Variants in ERO1B observed in about 807,000 individuals in gnomAD.
ERO1B encodes endoplasmic reticulum oxidoreductase 1 beta.
ERO1B carries 49 observed loss-of-function variants against 75.3 expected under a neutral mutation model. That is an observed-to-expected ratio of 0.65 (90% CI 0.52 to 0.83). The LOEUF (loss-of-function observed/expected upper bound fraction) is 0.83, where lower values mean the gene tolerates loss of function less well. ERO1B is among the 40% of genes least tolerant of loss of function. The pLI is 0.00. For synonymous variants in ERO1B, 191 were observed against 192.9 expected (o/e 0.99, Z 0.08); for missense variants, 512 against 560.1 (o/e 0.91, Z 0.87).
chr1:236,247,957 C>T (rs1006087745), intron 5 of ERO1B, among the ~76,000 whole-genome samples: 1 of 152,114 alleles, frequency 6.6e-6, no homozygotes, highest in Admixed American at 6.6e-5. Context: ...TAAAACAGTG[C>T]CACTCTCTCA....
chr1:236,240,291 T>C (rs187658996), intron 6 of ERO1B, among the ~76,000 whole-genome samples: 4 of 152,264 alleles, frequency 2.6e-5, no homozygotes, highest in Non-Finnish European at 5.9e-5. Context: ...TTTTCTAGGA[T>C]GTTAAACTTT....
At position 236,217,103 on chromosome 1, in the gene ERO1B, T is replaced by A. The variant is rs1664008596; in HGVS notation, c.*1413A>T. ...TGAGCCAAGCCAACTAAATACAATT[T>A]TTTAGATGTCACCAAATCATCAATG... On this transcript the variant is annotated 3_prime_UTR_variant, in exon 16 of 16. Coordinates refer to ENST00000354619, the MANE Select transcript of ERO1B (RefSeq NM_019891.4). The A allele has an allele frequency of 6.6e-6, 1 of 152,010 alleles. No homozygotes were observed. Among genetic ancestry groups the A allele is most frequent in the South Asian group, 2.1e-4 (1 of 4,818 alleles). 9.4% of individuals were successfully genotyped at this position (152,010 alleles called of 1,614,324 possible).
intron 1 of ERO1B, among the ~76,000 whole-genome samples, chr1:236,274,595 ATATT>A (rs1371765144): frequency 4.6e-5 from 7 of 152,282 alleles, no homozygotes; most frequent in African/African-American, 1.7e-4. Flanking sequence ...GTTCTCTTTA[ATATT>A]TATTATCCCA....
intron 9 of ERO1B, among the ~76,000 whole-genome samples, 191 bp downstream of exon 9, chr1:236,232,636 CT>C (rs3835673): frequency 1.6e-4 from 24 of 145,582 alleles, no homozygotes; most frequent in African/African-American, 3.8e-4. Flanking sequence ...GAAAAATGGT[CT>C]TTTTTTTTTA....
chr1:236,224,523 A>G (rs1339338778), intron 13 of ERO1B, among the ~76,000 whole-genome samples: 4 of 152,146 alleles, frequency 2.6e-5, no homozygotes, highest in African/African-American at 7.2e-5. Context: ...TAAGGGTACA[A>G]TTTGTTTCTT....
At chr1:236,275,299 C>A (rs1404906736) in intron 1 of ERO1B, among the ~76,000 whole-genome samples, 2 of 152,236 alleles carry the variant, frequency 1.3e-5, no homozygotes, top group Non-Finnish European at 2.9e-5. Flanking sequence ...GTTCTTCTGA[C>A]TGGCTATCAA....
intron 6 of ERO1B, among the ~76,000 whole-genome samples, chr1:236,236,995 G>A (rs374723367): frequency 7.9e-4 from 119 of 151,130 alleles, no homozygotes; most frequent in African/African-American, 2.6e-3. Flanking sequence ...TGTTTTTTTT[G>A]CTCTCAAACT....
At chr1:236,269,682 C>T (rs1665545925) in intron 2 of ERO1B, among the ~76,000 whole-genome samples, 193 bp downstream of exon 2, 1 of 152,086 alleles carries the variant, frequency 6.6e-6, no homozygotes, top group Non-Finnish European at 1.5e-5. Flanking sequence ...TGAGGAACTC[C>T]CCATACAAAG....
At chr1:236,280,565 T>C (rs1209618638) in intron 1 of ERO1B, among the ~76,000 whole-genome samples, 1 of 152,186 alleles carries the variant, frequency 6.6e-6, no homozygotes, top group Non-Finnish European at 1.5e-5. Context: ...TGTTCCCCAA[T>C]ACCAAAAATT....
At position 236,258,493 on chromosome 1, in the gene ERO1B, A is replaced by C. The variant is rs531706444; in HGVS notation, c.223-4988T>G. Among the ~76,000 whole-genome samples the C allele has an allele frequency of 7.8e-4, 119 of 152,342 alleles. 2 individuals carry two copies. The South Asian group carries it at 0.01, about 13-fold the overall frequency. On this transcript the variant is annotated intron_variant, in intron 2 of 15. Coordinates refer to ENST00000354619, the MANE Select transcript of ERO1B (RefSeq NM_019891.4). ...AGGGGAAATAAAAACTTTCTCAGAC[A>C]AAACGTAAGGAAATTTATCACCACT...
chr1:236,223,435 ACT>A (rs928594406), intron 13 of ERO1B, among the ~76,000 whole-genome samples: 1 of 152,066 alleles, frequency 6.6e-6, no homozygotes, highest in Non-Finnish European at 1.5e-5. Context: ...TAGCCTGAAA[ACT>A]CTGGCTACCA....
intron 2 of ERO1B, among the ~76,000 whole-genome samples, chr1:236,268,556 G>A (rs769372741): frequency 7.9e-5 from 12 of 152,032 alleles, no homozygotes; most frequent in Admixed American, 2.6e-4. Context: ...ATTTGAGATC[G>A]GCCTGGGCAA....
chr1:236,277,323 G>C (rs1241919665), intron 1 of ERO1B, among the ~76,000 whole-genome samples: 3 of 151,834 alleles, frequency 2.0e-5, no homozygotes, highest in African/African-American at 7.3e-5. Context: ...AGAATTGCTT[G>C]AGCCTGGGAG....
intron 1 of ERO1B, among the ~76,000 whole-genome samples, chr1:236,273,152 A>C (rs1417402604): frequency 1.3e-5 from 2 of 152,146 alleles, no homozygotes; most frequent in African/African-American, 4.8e-5. Flanking sequence ...TTTATGAGAG[A>C]GGAAGGCGGG....
chr1:236,274,078 G>T (rs1345021641), intron 1 of ERO1B, among the ~76,000 whole-genome samples: 1 of 151,094 alleles, frequency 6.6e-6, no homozygotes, highest in Non-Finnish European at 1.5e-5. Context: ...CCGCTTCCTG[G>T]GTTCAAGTGA....
chr1:236,243,780 CAT>C (rs1484116470), intron 5 of ERO1B, among the ~76,000 whole-genome samples: 11 of 152,032 alleles, frequency 7.2e-5, no homozygotes, highest in African/African-American at 9.7e-5. Context: ...ATACATATAA[CAT>C]GTAGTTAAAC....
intron 2 of ERO1B, among the ~76,000 whole-genome samples, chr1:236,257,560 C>CAAAAAAAAAA (rs57151086): frequency 5.6e-5 from 7 of 125,520 alleles, no homozygotes; most frequent in East Asian, 3.4e-4. Flanking sequence ...AAATATGCTC[C>CAAAAAAAAAA]AAAAAAAAAA....
At chr1:236,225,217 C>G in intron 12 of ERO1B, 78 bp from the exon 13 acceptor site, 1 of 1,358,140 alleles carries the variant, frequency 7.4e-7, no homozygotes, top group South Asian at 1.2e-5. Context: ...ATAAAATTTT[C>G]TATCCTTATG....
At chr1:236,259,883 C>A (rs938971879) in intron 2 of ERO1B, among the ~76,000 whole-genome samples, 4 of 151,792 alleles carry the variant, frequency 2.6e-5, no homozygotes, top group Non-Finnish European at 5.9e-5. Flanking sequence ...ACCAAATGGC[C>A]CTACCAGATA....
Sources: gnomAD v4.1 joint callset for allele counts (sites outside exome capture counted in the v4.1 genomes callset) on GRCh38, gnomAD v4.1.1 for gene constraint, MANE v1.5 for transcripts, NCBI Gene and HGNC (gene_info 2026-07-23, HGNC 2026-07-21) for gene names.